The following DNAAF4 variants were observed in gnomAD, a reference collection of about 807,000 sequenced individuals.
The protein encoded by DNAAF4 is dynein assembly factor 4, axonemal.
Under a neutral mutation model 51.8 loss-of-function variants are expected in DNAAF4, and 43 were observed. The observed-to-expected ratio is 0.83, with a 90% CI of 0.65 to 1.07. DNAAF4 has a LOEUF of 1.07. DNAAF4 is among the 50% of genes least tolerant of loss of function. DNAAF4 has a pLI of 0.00. For missense variants in DNAAF4, 581 were observed against 493.0 expected, an observed-to-expected ratio of 1.18 and a Z score of -1.69; for synonymous variants, 194 against 165.6, an observed-to-expected ratio of 1.17 and a Z score of -1.32.
intron 4 of DNAAF4, among the ~76,000 whole-genome samples, chr15:55,484,657 A>G (rs2058462100): frequency 1.3e-5 from 2 of 152,166 alleles, no homozygotes; most frequent in African/African-American, 2.4e-5. Flanking sequence ...ATAGATATAT[A>G]TAAAGGGGAG....
chr15:55,476,317 G>C (rs191559486), intron 4 of DNAAF4, among the ~76,000 whole-genome samples: 11 of 152,178 alleles, frequency 7.2e-5, no homozygotes, highest in Admixed American at 7.2e-4. Context: ...GATAGGCATG[G>C]TGGCATGTGC....
chr15:55,487,649 C>A (rs1211325636), intron 4 of DNAAF4, among the ~76,000 whole-genome samples: 1 of 151,898 alleles, frequency 6.6e-6, no homozygotes, highest in Non-Finnish European at 1.5e-5. Flanking sequence ...AGACCACGAA[C>A]CTACCGAGAG....
At chr15:55,457,735 C>CTT (rs1185051068) in intron 5 of DNAAF4, among the ~76,000 whole-genome samples, 3 of 152,186 alleles carry the variant, frequency 2.0e-5, no homozygotes, top group Admixed American at 6.6e-5. Context: ...AACTTCACTG[C>CTT]TTACATAACC....
chr15:55,495,375 G>GAATGGTTGCAACTCT (rs375503709), intron 3 of DNAAF4, among the ~76,000 whole-genome samples: 5,827 of 152,174 alleles, frequency 0.038, 162 homozygotes, highest in Non-Finnish European at 0.051. Flanking sequence ...TTGATAGAAA[G>GAATGGTTGCAACTCT]AATGGTTGCA....
intron 5 of DNAAF4, among the ~76,000 whole-genome samples, chr15:55,460,705 C>T (rs2058082902): frequency 2.7e-5 from 1 of 36,746 alleles, no homozygotes; most frequent in African/African-American, 8.9e-5. Flanking sequence ...TTCTTTTCAT[C>T]AGCACATGGA....
chr15:55,434,875 G>A lies in DNAAF4; in HGVS notation c.1047+30C>T, dbSNP rs74349164. 91,395 of 1,493,204 alleles carry A rather than the reference G, an allele frequency of 0.061. 3,370 individuals are homozygous for A. The highest frequency in any genetic ancestry group is 0.17 in the East Asian group (7,044 of 41,294). The allele number at this position is 1,493,204 out of a possible 1,614,324, so 92.5% of individuals were successfully genotyped here. A position where few individuals can be genotyped will look rare whatever the true frequency, so the allele number is the denominator to read the frequency against. On this transcript the variant is annotated intron_variant, in intron 8 of 9. Coordinates refer to ENST00000321149, the MANE Select transcript of DNAAF4 (RefSeq NM_130810.4). ...CAATTAATAGAAGGATATATTTAAA[G>A]CACCATATATCATACATAGATATCC...
At chr15:55,491,056 A>G in intron 4 of DNAAF4, 67 bp downstream of exon 4, 1 of 1,575,910 alleles carries the variant, frequency 6.3e-7, no homozygotes, top group Non-Finnish European at 8.7e-7. Flanking sequence ...CAGCAGCTGG[A>G]ACTCACTATC....
intron 1 of DNAAF4, 32 bp downstream of exon 1, chr15:55,508,090 G>C (rs992984841): frequency 6.6e-6 from 1 of 152,108 alleles, no homozygotes; most frequent in African/African-American, 2.4e-5. Context: ...TAGATTAAGG[G>C]ATGAGTTTTA....
chr15:55,421,653 GAGGC>G (rs1205072633), intron 7 of DNAAF4, among the ~76,000 whole-genome samples: 7 of 152,032 alleles, frequency 4.6e-5, no homozygotes, highest in Non-Finnish European at 1.0e-4. Flanking sequence ...TCGGGAGGCT[GAGGC>G]AGGCAGATCA....
intron 8 of DNAAF4, 101 bp downstream of exon 8, chr15:55,434,804 G>T: frequency 1.0e-6 from 1 of 985,204 alleles, no homozygotes; most frequent in Non-Finnish European, 1.4e-6. Context: ...TAAAATCTTT[G>T]CATCTCAATT....
chr15:55,502,963 CA>C (rs1278847710), intron 1 of DNAAF4, among the ~76,000 whole-genome samples: 2 of 151,876 alleles, frequency 1.3e-5, no homozygotes, highest in African/African-American at 4.8e-5. Flanking sequence ...AAAAACCATT[CA>C]AAAAAATCAG....
intron 7 of DNAAF4, among the ~76,000 whole-genome samples, chr15:55,420,242 TG>T (rs571501204): frequency 9.7e-4 from 147 of 152,224 alleles, no homozygotes; most frequent in African/African-American, 3.4e-3. Context: ...TGAGACAATG[TG>T]GTATATTTTT....
downstream of DNAAF4, among the ~76,000 whole-genome samples, chr15:55,427,224 C>T (rs756907970): frequency 2.0e-5 from 3 of 152,034 alleles, no homozygotes; most frequent in Non-Finnish European, 4.4e-5. Context: ...CGCCACCACA[C>T]CCGGCTGATT....
intron 8 of DNAAF4, among the ~76,000 whole-genome samples, chr15:55,434,274 T>A (rs1001765843): frequency 1.3e-5 from 2 of 150,858 alleles, no homozygotes; most frequent in Non-Finnish European, 2.9e-5. Flanking sequence ...TCAACAAATA[T>A]TTGTTTGCAT....
At chr15:55,438,469 A>C (rs756791096) in intron 7 of DNAAF4, among the ~76,000 whole-genome samples, 13 of 152,000 alleles carry the variant, frequency 8.6e-5, no homozygotes, top group Non-Finnish European at 1.9e-4. Context: ...GAAGGCAGTA[A>C]GATGGTAATC....
At chr15:55,426,869 C>T (rs935461958), downstream of DNAAF4, among the ~76,000 whole-genome samples, 3 of 152,158 alleles carry the variant, frequency 2.0e-5, no homozygotes, top group Non-Finnish European at 4.4e-5. Flanking sequence ...CATCAACCAA[C>T]CCACTTTTTG....
At chr15:55,502,539 G>C (rs2058704955) in intron 1 of DNAAF4, among the ~76,000 whole-genome samples, 1 of 151,964 alleles carries the variant, frequency 6.6e-6, no homozygotes, top group Admixed American at 6.6e-5. Flanking sequence ...GAATAAATTT[G>C]TATGTTTTTT....
chr15:55,501,963 A>G (rs2058701730), intron 1 of DNAAF4, among the ~76,000 whole-genome samples: 2 of 151,912 alleles, frequency 1.3e-5, no homozygotes, highest in Non-Finnish European at 2.9e-5. Context: ...GAATCGCTTG[A>G]ACCTGGGAGG....
At chr15:55,465,921 G>T (rs1039278716) in intron 5 of DNAAF4, among the ~76,000 whole-genome samples, 7 of 152,058 alleles carry the variant, frequency 4.6e-5, no homozygotes, top group African/African-American at 1.7e-4. Flanking sequence ...GCATAAGAAT[G>T]ATATGGGCCT....
Sources: gnomAD v4.1 joint callset for allele counts (sites outside exome capture counted in the v4.1 genomes callset) on GRCh38, gnomAD v4.1.1 for gene constraint, MANE v1.5 for transcripts, NCBI Gene and HGNC (gene_info 2026-07-23, HGNC 2026-07-21) for gene names.